ZMIZ1: variants seen among roughly 807,000 people sequenced by gnomAD.
The protein encoded by ZMIZ1 is zinc finger MIZ-type containing 1, also known as zinc finger MIZ domain-containing protein 1.
A neutral mutation model predicts 113.9 loss-of-function variants in ZMIZ1; 17 were observed. That is an observed-to-expected ratio of 0.15 (90% CI 0.10 to 0.22). The LOEUF is 0.22. Ranked by LOEUF, ZMIZ1 falls within the 10% of genes least tolerant of loss-of-function variation. The pLI is 1.00. For synonymous variants in ZMIZ1, 607 were observed against 603.1 expected (o/e 1.01, Z -0.09); for missense variants, 1,059 against 1,477.8 (o/e 0.72, Z 4.65).
chr10:79,191,811 C>T (rs1196649108), intron 4 of ZMIZ1, among the ~76,000 whole-genome samples: 5 of 152,258 alleles, frequency 3.3e-5, no homozygotes, highest in Non-Finnish European at 7.3e-5. Context: ...TTGCACCTCT[C>T]AGAGGCTCAG....
At chr10:79,205,933 T>C (rs762410650) in intron 5 of ZMIZ1, among the ~76,000 whole-genome samples, 3 of 151,856 alleles carry the variant, frequency 2.0e-5, no homozygotes, top group Non-Finnish European at 4.4e-5. Flanking sequence ...GTCGTCTCTG[T>C]TAAAAATTAA....
At chr10:79,279,813 C>T (rs1438731295) in intron 8 of ZMIZ1, among the ~76,000 whole-genome samples, 2 of 152,074 alleles carry the variant, frequency 1.3e-5, no homozygotes, top group Non-Finnish European at 2.9e-5. Context: ...AATAGGAAAA[C>T]CAGTCAGGCA....
chr10:79,196,185 G>A (rs191062669), intron 4 of ZMIZ1, among the ~76,000 whole-genome samples: 78 of 152,294 alleles, frequency 5.1e-4, no homozygotes, highest in Non-Finnish European at 9.7e-4. Context: ...TCACCTGTAG[G>A]TGCCTCCATA....
intron 1 of ZMIZ1, among the ~76,000 whole-genome samples, chr10:79,086,775 T>C (rs1842828465): frequency 1.3e-5 from 2 of 152,134 alleles, no homozygotes; most frequent in African/African-American, 4.8e-5. Flanking sequence ...TTATTTTTTT[T>C]AAAGATAATC....
At chr10:79,084,120 A>G (rs1432677851) in intron 1 of ZMIZ1, among the ~76,000 whole-genome samples, 1 of 152,136 alleles carries the variant, frequency 6.6e-6, no homozygotes, top group Admixed American at 6.5e-5. Context: ...TGCATATGCT[A>G]AGTCCTCCAC....
chr10:79,085,871 T>G (rs567836908), intron 1 of ZMIZ1, among the ~76,000 whole-genome samples: 1 of 152,148 alleles, frequency 6.6e-6, no homozygotes, highest in Non-Finnish European at 1.5e-5. Context: ...GCTCCCTGGC[T>G]TTCTAGGGTT....
At chr10:79,237,764 A>T (rs1849651205) in intron 7 of ZMIZ1, among the ~76,000 whole-genome samples, 1 of 152,146 alleles carries the variant, frequency 6.6e-6, no homozygotes, top group African/African-American at 2.4e-5. Flanking sequence ...GGAGTTCAAC[A>T]TTTTTTGTGG....
intron 4 of ZMIZ1, among the ~76,000 whole-genome samples, chr10:79,178,766 G>A (rs766810516): frequency 6.6e-6 from 1 of 152,238 alleles, no homozygotes; most frequent in Admixed American, 6.5e-5. Flanking sequence ...TGGTCTCCAA[G>A]GTGATTGAAT....
chr10:79,293,889 G>A, intron 12 of ZMIZ1: 1 of 640,244 alleles, frequency 1.6e-6, no homozygotes, highest in Non-Finnish European at 2.7e-6. Context: ...GACTTGAGGA[G>A]GTGTCCGTGA....
chr10:79,106,604 C>A (rs368321207), intron 1 of ZMIZ1, among the ~76,000 whole-genome samples: 1 of 152,246 alleles, frequency 6.6e-6, no homozygotes, highest in Admixed American at 6.5e-5. Flanking sequence ...GCTCCTTGGC[C>A]GGTCTTTGCC....
rs574201576 is a variant in ZMIZ1, at chr10:79,170,051, C to A, written c.-50+7918C>A. On this transcript the variant is annotated intron_variant, in intron 4 of 24. Transcript: ENST00000334512. ...AGTGCTTCCCAGGCATGCTAGCACA[C>A]CCAGGCCACCTGGGACACCTGTTTA... 2.4e-3 allele frequency among the ~76,000 whole-genome samples: 370 copies of A among 152,354 alleles called. 1 individual carries two copies. The highest frequency in any genetic ancestry group is 8.2e-3 in the African/African-American group (341 of 41,586).
intron 4 of ZMIZ1, among the ~76,000 whole-genome samples, chr10:79,166,061 C>T (rs894693946): frequency 6.0e-5 from 9 of 149,128 alleles, no homozygotes; most frequent in African/African-American, 2.2e-4. Context: ...TCCCATCTCC[C>T]CGTGGCTGTC....
rs1589377428 is a variant in ZMIZ1 at position 79,174,398 on chromosome 10, G to T, written c.-50+12265G>T. Reference sequence around the variant, plus strand: ...GTCGGCTCCAAAGGGATGAGTAGGAGAAGTGGCAGGTGGTGAGGCCCTGCC... The same window carrying T: ...GTCGGCTCCAAAGGGATGAGTAGGATAAGTGGCAGGTGGTGAGGCCCTGCC... On this transcript the variant is annotated intron_variant, in intron 4 of 24. Coordinates refer to ENST00000334512, the MANE Select transcript of ZMIZ1 (RefSeq NM_020338.4). Among the ~76,000 whole-genome samples the T allele has an allele frequency of 2.6e-5, 4 of 152,364 alleles. 1 individual carries two copies. Among genetic ancestry groups the T allele is most frequent in the Admixed American group, 2.6e-4 (4 of 15,312 alleles).
At chr10:79,298,331 G>A (rs74142362) in intron 14 of ZMIZ1, 75 bp from the exon 15 acceptor site, 16,924 of 1,488,634 alleles carry the variant, frequency 0.011, 292 homozygotes, top group African/African-American at 0.078. Flanking sequence ...GGATGAGTGC[G>A]GTGTATGTCC....
At chr10:79,111,763 G>A (rs1843751913) in intron 1 of ZMIZ1, among the ~76,000 whole-genome samples, 1 of 152,202 alleles carries the variant, frequency 6.6e-6, no homozygotes, top group East Asian at 1.9e-4. Flanking sequence ...ACTTGGCTGA[G>A]AACGTCTCAC....
intron 11 of ZMIZ1, chr10:79,292,662 GC>G: frequency 2.0e-6 from 1 of 496,140 alleles, no homozygotes; most frequent in South Asian, 1.8e-5. Flanking sequence ...GGCTCTCTGG[GC>G]CCCCAACTCA....
intron 7 of ZMIZ1, among the ~76,000 whole-genome samples, chr10:79,239,298 G>T (rs182400718): frequency 6.6e-6 from 1 of 151,960 alleles, no homozygotes; most frequent in Non-Finnish European, 1.5e-5. Context: ...CCCGGTATGT[G>T]TGCATCCATT....
intron 4 of ZMIZ1, among the ~76,000 whole-genome samples, chr10:79,163,230 A>G (rs1437899023): frequency 6.6e-6 from 1 of 152,182 alleles, no homozygotes. Context: ...CCTGGAGCTT[A>G]GCGCTTCCAG....
At position 79,173,506 on chromosome 10, in the gene ZMIZ1, C is replaced by T. The variant is rs562695348; in HGVS notation, c.-50+11373C>T. On this transcript the variant is annotated intron_variant, in intron 4 of 24. Transcript: ENST00000334512. ...CCACAGAGGACAGTGGACAGTGGGGCGGGGAGCAGGGGGCGGGGTGGCTTC... is the reference window on the plus strand; with the variant it reads ...CCACAGAGGACAGTGGACAGTGGGGTGGGGAGCAGGGGGCGGGGTGGCTTC... 2.3e-4 allele frequency among the ~76,000 whole-genome samples: 35 copies of T among 149,598 alleles called. No homozygotes were observed. The South Asian group carries it at 4.1e-3, about 17-fold the overall frequency.
Sources: gnomAD v4.1 joint callset for allele counts (sites outside exome capture counted in the v4.1 genomes callset) on GRCh38, gnomAD v4.1.1 for gene constraint, MANE v1.5 for transcripts, NCBI Gene and HGNC (gene_info 2026-07-23, HGNC 2026-07-21) for gene names.